Variants in GPR35 observed in about 807,000 individuals in gnomAD.
GPR35 encodes the protein G protein-coupled receptor 35, also known as KYNA receptor.
For synonymous variants in GPR35, 207 were observed against 198.4 expected (o/e 1.04, Z -0.36); for missense variants, 372 against 422.5 (o/e 0.88, Z 1.05).
chr2:240,620,813 G>A (rs1483441161), upstream of GPR35, among the ~76,000 whole-genome samples: 1 of 152,160 alleles, frequency 6.6e-6, no homozygotes, highest in East Asian at 1.9e-4. Flanking sequence ...GACAGGCTTT[G>A]CCCTCCCCTG....
intron 2 of GPR35, among the ~76,000 whole-genome samples, chr2:240,611,226 A>C (rs1207552722): frequency 6.6e-6 from 1 of 151,018 alleles, no homozygotes; most frequent in Non-Finnish European, 1.5e-5. Context: ...CCTCGGCCTC[A>C]CAAAGTTCTG....
At chr2:240,623,138 G>C (rs568950324), upstream of GPR35, among the ~76,000 whole-genome samples, 6 of 152,362 alleles carry the variant, frequency 3.9e-5, no homozygotes, top group South Asian at 1.0e-3. Flanking sequence ...AGTCGCTGTG[G>C]GTGAGCGGTC....
chr2:240,619,591 TGCCCCGG>T (rs2043271076), intron 5 of GPR35, among the ~76,000 whole-genome samples: 2 of 152,258 alleles, frequency 1.3e-5, no homozygotes, highest in South Asian at 4.1e-4. Flanking sequence ...GGGATCCTGC[TGCCCCGG>T]GGAGGACGTG....
Position 240,630,612 on chromosome 2 carries a change from G to A in GPR35, c.660G>A (p.Trp220Ter). Residue 220 changes from tryptophan (W) to a stop codon, truncating the protein, a stop_gained, in exon 2 of 2, where the codon TGG (tryptophan) becomes TGA (stop). Transcript: ENST00000407714. LOFTEE classifies it low-confidence loss of function (END_TRUNC). ...EATRKAARMVWANLLVFVVCF... is the reference protein window; with the variant it reads ...EATRKAARMV ...CCCGCAAGGCTGCCCGCATGGTCTGGGCCAACCTCCTGGTGTTCGTGGTCT... is the reference window on the plus strand; with the variant it reads ...CCCGCAAGGCTGCCCGCATGGTCTGAGCCAACCTCCTGGTGTTCGTGGTCT... 4 of 1,612,884 alleles carry A rather than the reference G, an allele frequency of 2.5e-6. No individual in the cohort carries two copies. Among genetic ancestry groups the A allele is most frequent in the Non-Finnish European group, 1.7e-6 (2 of 1,179,984 alleles).
chr2:240,625,797 T>C (rs111992587), intron 1 of GPR35, among the ~76,000 whole-genome samples: 8 of 44,420 alleles, frequency 1.8e-4, no homozygotes, highest in South Asian at 7.1e-4. Flanking sequence ...GAGGCTGTGA[T>C]GGGGTCTCAG....
chr2:240,631,267 CCT>C lies in GPR35; in HGVS notation c.*388_*389del, dbSNP rs1020231698. ...CACCCAGAGTCAGTCCTAGTGGGGC[CCT>C]CTGTGTTTCGCACTCGTGTGGTGGG... On this transcript the variant is annotated 3_prime_UTR_variant, in exon 2 of 2. Coordinates refer to ENST00000407714, the MANE Select transcript of GPR35 (RefSeq NM_005301.5). 3.5e-5 allele frequency: 9 copies of C among 254,942 alleles called. No individual in the cohort carries two copies. The highest frequency in any genetic ancestry group is 1.0e-4 in the Admixed American group (2 of 19,938). 15.8% of individuals were successfully genotyped at this position (254,942 alleles called of 1,614,324 possible).
rs970228517 is a variant in GPR35, at chr2:240,629,981, C to T, written c.29C>T (p.Ser10Phe). The change falls in exon 2 of 2, where the codon TCC (serine) becomes TTC (phenylalanine). Residue 10 changes from serine to phenylalanine, a missense_variant. Coordinates refer to ENST00000407714, the MANE Select transcript of GPR35 (RefSeq NM_005301.5). MNGTYNTCG[S>F]SDLTWPPAIK... ...AATGGCACCTACAACACCTGTGGCT[C>T]CAGCGACCTCACCTGGCCCCCAGCG... The T allele has an allele frequency of 6.2e-7, 1 of 1,608,334 alleles. No homozygotes were observed. The highest frequency in any genetic ancestry group is 1.3e-5 in the African/African-American group (1 of 74,874).
At chr2:240,607,306 C>A (rs974168073) in intron 2 of GPR35, 2 of 152,000 alleles carry the variant, frequency 1.3e-5, no homozygotes, top group Non-Finnish European at 2.9e-5. Context: ...CCTTAGCCTC[C>A]CGAGTAGCTG....
At chr2:240,620,223 G>A (rs1026412152) in intron 5 of GPR35, among the ~76,000 whole-genome samples, 1 of 152,190 alleles carries the variant, frequency 6.6e-6, no homozygotes, top group Non-Finnish European at 1.5e-5. Flanking sequence ...GGGTGAGTGA[G>A]CTGGCGGGGG....
chr2:240,621,316 G>A (rs1274211849), upstream of GPR35, among the ~76,000 whole-genome samples: 15 of 152,142 alleles, frequency 9.9e-5, no homozygotes, highest in African/African-American at 2.7e-4. Context: ...GTGCAGTGGC[G>A]TGATCTCGGC....
chr2:240,625,753 G>A lies in GPR35; in HGVS notation c.-5+185G>A, dbSNP rs111660283. Among the ~76,000 whole-genome samples, 5,145 of 32,186 alleles carry A rather than the reference G, an allele frequency of 0.16. 8 individuals are homozygous for A. The highest frequency in any genetic ancestry group is 0.26 in the African/African-American group (1,480 of 5,766). 21.1% of individuals were successfully genotyped at this position (32,186 alleles called of 152,430 possible). ...GAGGCTGTGACAGGGTCTCAGAGCG[G>A]GGTGAGGCTGTGATGGGGGTCTCAG... On this transcript the variant is annotated intron_variant, in intron 1 of 1. Coordinates refer to ENST00000407714, the MANE Select transcript of GPR35 (RefSeq NM_005301.5).
At chr2:240,609,994 C>T (rs1332335849) in intron 2 of GPR35, among the ~76,000 whole-genome samples, 1 of 150,516 alleles carries the variant, frequency 6.6e-6, no homozygotes, top group Non-Finnish European at 1.5e-5. Flanking sequence ...GAGTCTCGCT[C>T]TGTCAACCAG....
rs201512343 is a variant in GPR35, at chr2:240,630,782, A to G, written c.830A>G (p.Tyr277Cys). ...TGCTGCCTGGACGCCATCTGCTACT[A>G]CTACATGGCCAAGGAGTTCCAGGAG... The part of the protein sequence containing the change: ...ANCCLDAICY[Y>C]YMAKEFQEAS... Residue 277 changes from tyrosine to cysteine, a missense_variant, in exon 2 of 2, where the codon TAC (tyrosine) becomes TGC (cysteine). By Grantham distance (194) the Tyr-to-Cys change is radical. Transcript: ENST00000407714. 5.6e-6 allele frequency: 9 copies of G among 1,613,298 alleles called. No homozygotes were observed. The highest frequency in any genetic ancestry group is 7.6e-6 in the Non-Finnish European group (9 of 1,180,026).
In GPR35 at chr2:240,625,525, G is replaced by T; in HGVS notation, c.-48G>T. 1.0e-6 allele frequency: 1 copy of T among 985,988 alleles called. No homozygotes were observed. The allele number at this position is 985,988 out of a possible 1,614,324, so 61.1% of individuals were successfully genotyped here. A position where few individuals can be genotyped will look rare whatever the true frequency, so the allele number is the denominator to read the frequency against. On this transcript the variant is annotated 5_prime_UTR_variant, in exon 1 of 2. Transcript: ENST00000407714. ...GACAGCCACTGTGCAGGCTTTGGCA[G>T]CGGGGGTCACACACTCCACCCGGGA...
Position 240,630,279 on chromosome 2 carries a change from C to T in GPR35, c.327C>T (p.Ala109=). 2 of 1,564,696 alleles carry T rather than the reference C, an allele frequency of 1.3e-6. No individual in the cohort carries two copies. The highest frequency in any genetic ancestry group is 8.6e-7 in the Non-Finnish European group (1 of 1,159,636). The change falls in exon 2 of 2, where the codon GCC becomes GCT. Residue 109 remains alanine, a synonymous_variant. Transcript: ENST00000407714. The part of the protein sequence containing the change: ...NRYMSISLVT[A]IAVDRYVAVR... ...ACATGAGCATCAGCCTGGTCACGGC[C>T]ATCGCCGTGGACCGCTATGTGGCCG... is the stretch of plus-strand genomic sequence containing the variant.
Position 240,616,626 on chromosome 2 carries a change from G to T in GPR35, c.-453+115G>T, listed in dbSNP as rs17846962. 1,298 of 677,894 alleles carry T rather than the reference G, an allele frequency of 1.9e-3. 33 individuals carry two copies. The East Asian group carries it at 0.031, about 16-fold the overall frequency. 42.0% of individuals were successfully genotyped at this position (677,894 alleles called of 1,614,324 possible). ...GAGGCCAGCAGCCACCAATGATCAC[G>T]AATGTGGCAGGAAGCTGCCAAGAGA... On this transcript the variant is annotated intron_variant, in intron 3 of 5. Coordinates refer to the GPR35 transcript ENST00000319838.
Position 240,630,097 on chromosome 2 carries a change from A to C in GPR35, c.145A>C (p.Met49Leu), listed in dbSNP as rs1336093953. 1 of 1,609,752 alleles carries C rather than the reference A, an allele frequency of 6.2e-7. No homozygotes were observed. Among genetic ancestry groups the C allele is most frequent in the Non-Finnish European group, 8.5e-7 (1 of 1,179,850 alleles). Residue 49 changes from methionine to leucine, a missense_variant, in exon 2 of 2, where the codon ATG (methionine) becomes CTG (leucine). Met to Leu is a conservative substitution (Grantham distance 15). Transcript: ENST00000407714. ...SLALWVFCCRMQQWTETRIYM... is the reference protein window; with the variant it reads ...SLALWVFCCRLQQWTETRIYM... ...GGCGCTCTGGGTGTTCTGCTGCCGC[A>C]TGCAGCAGTGGACGGAGACCCGCAT...
At chr2:240,620,275 C>G (rs976412697) in intron 5 of GPR35, among the ~76,000 whole-genome samples, 2 of 152,140 alleles carry the variant, frequency 1.3e-5, no homozygotes, top group Admixed American at 6.5e-5. Flanking sequence ...CCCAAGGAGC[C>G]TCTTCTGGCC....
chr2:240,625,909 G>A (rs200697167), intron 1 of GPR35, among the ~76,000 whole-genome samples: 5,847 of 76,762 alleles, frequency 0.076, 715 homozygotes, highest in East Asian at 0.2. Flanking sequence ...GTGGGGTGAG[G>A]CTCTGATGGG....
Sources: gnomAD v4.1 joint callset for allele counts (sites outside exome capture counted in the v4.1 genomes callset) on GRCh38, gnomAD v4.1.1 for gene constraint, MANE v1.5 for transcripts, NCBI Gene and HGNC (gene_info 2026-07-23, HGNC 2026-07-21) for gene names.